Variants in APAF1 observed in about 807,000 individuals in gnomAD.
APAF1 encodes the protein apoptotic peptidase activating factor 1, also known as apoptotic protease-activating factor 1.
In APAF1, 91 loss-of-function variants were observed where a neutral mutation model predicts 152.4. That is an observed-to-expected ratio of 0.60 (90% CI 0.50 to 0.71). The LOEUF is 0.71. APAF1 is among the 30% of genes least tolerant of loss of function. The pLI is 0.00. For synonymous variants in APAF1, 484 were observed against 494.1 expected (o/e 0.98, Z 0.27); for missense variants, 1,283 against 1,472.0 (o/e 0.87, Z 2.10).
chr12:98,692,763 T>C (rs937040996), intron 16 of APAF1, among the ~76,000 whole-genome samples: 4 of 152,258 alleles, frequency 2.6e-5, no homozygotes, highest in Non-Finnish European at 5.9e-5. Flanking sequence ...CCATGGTGTA[T>C]ATGTACCATA....
At chr12:98,707,922 G>A (rs1368543660) in intron 19 of APAF1, among the ~76,000 whole-genome samples, 1 of 152,150 alleles carries the variant, frequency 6.6e-6, no homozygotes, top group Non-Finnish European at 1.5e-5. Context: ...GTTTAGTGAT[G>A]TAGTTGATTT....
chr12:98,667,286 TA>T (rs558177221), intron 9 of APAF1, among the ~76,000 whole-genome samples: 129 of 151,656 alleles, frequency 8.5e-4, no homozygotes, highest in African/African-American at 3.0e-3. Context: ...TTATTTTTTG[TA>T]AAAAAATTAA....
intron 7 of APAF1, 53 bp from the exon 8 acceptor site, chr12:98,665,500 T>G: frequency 8.3e-7 from 1 of 1,210,174 alleles, no homozygotes; most frequent in Non-Finnish European, 1.2e-6. Flanking sequence ...TCGATTCTTA[T>G]TAGTGACAAA....
At chr12:98,727,052 T>A (rs1158568322) in intron 25 of APAF1, 121 bp from the exon 26 acceptor site, 9 of 871,070 alleles carry the variant, frequency 1.0e-5, no homozygotes, top group South Asian at 9.0e-5. Context: ...GTGTTAGGGT[T>A]GTTTATAATA....
chr12:98,662,438 A>T lies in APAF1; in HGVS notation c.711-18A>T, dbSNP rs766941395. ...AAGATAAGTGTCATTAGTGATTAAT[A>T]TTTTTTTTTTAAATTAGGTCTCTCT... On this transcript the variant is annotated intron_variant, in intron 5 of 26. Transcript: ENST00000551964. The T allele has an allele frequency of 6.3e-5, 92 of 1,453,448 alleles. No homozygotes were observed. The highest frequency in any genetic ancestry group is 8.2e-5 in the Non-Finnish European group (86 of 1,046,016). 90.0% of individuals were successfully genotyped at this position (1,453,448 alleles called of 1,614,324 possible).
chr12:98,676,456 G>A lies in APAF1; in HGVS notation c.1794-969G>A, dbSNP rs150188379. 9.8e-3 allele frequency among the ~76,000 whole-genome samples: 1,497 copies of A among 151,994 alleles called. 10 individuals carry two copies. The highest frequency in any genetic ancestry group is 0.017 in the Non-Finnish European group (1,152 of 67,974). ...ACTCCTGACCTCAAGTGATCTGCCC[G>A]CCTCGTCCTCCCAAAGTCCTGGGAT... On this transcript the variant is annotated intron_variant, in intron 12 of 26. Transcript: ENST00000551964.
intron 24 of APAF1, 92 bp from the exon 25 acceptor site, chr12:98,725,323 C>A: frequency 6.7e-7 from 1 of 1,500,582 alleles, no homozygotes. Flanking sequence ...TTAGAATGTC[C>A]ATGTGATTGA....
At chr12:98,660,278 T>G (rs1276409669) in intron 5 of APAF1, among the ~76,000 whole-genome samples, 2 of 152,024 alleles carry the variant, frequency 1.3e-5, no homozygotes, top group Non-Finnish European at 2.9e-5. Context: ...CCTATGAGAT[T>G]GAGGCTGCAG....
intron 14 of APAF1, among the ~76,000 whole-genome samples, chr12:98,682,791 A>C (rs1003330140): frequency 2.8e-4 from 42 of 152,192 alleles, no homozygotes; most frequent in African/African-American, 8.7e-4. Flanking sequence ...TCTTGGGCTC[A>C]ACCCTTCTGA....
rs1192380601 is a variant in APAF1 at position 98,723,277 on chromosome 12, A to G, written c.3169A>G (p.Arg1057Gly). The G allele has an allele frequency of 1.9e-6, 3 of 1,613,842 alleles. No individual in the cohort carries two copies. Among genetic ancestry groups the G allele is most frequent in the Non-Finnish European group, 2.5e-6 (3 of 1,179,762 alleles). ...VKDFRLLKNS[R>G]LLSWSFDGTV... is the part of the protein sequence containing the mutation. Reference sequence around the variant, plus strand: ...AGACTTTAGACTCTTGAAAAATTCAAGACTGCTTTCTTGGTCATTTGATGG... The same window carrying G: ...AGACTTTAGACTCTTGAAAAATTCAGGACTGCTTTCTTGGTCATTTGATGG... Residue 1057 changes from arginine to glycine, a missense_variant, in exon 23 of 27, where the codon AGA becomes GGA. Transcript: ENST00000551964.
At chr12:98,697,525 A>C in intron 16 of APAF1, among the ~76,000 whole-genome samples, 1 of 152,336 alleles carries the variant, frequency 6.6e-6, no homozygotes, top group Non-Finnish European at 1.5e-5. Context: ...CACTTTTTAA[A>C]AAGTCATCAT....
chr12:98,696,795 C>G (rs12304328), intron 16 of APAF1, among the ~76,000 whole-genome samples: 3,896 of 152,174 alleles, frequency 0.026, 158 homozygotes, highest in African/African-American at 0.087. Flanking sequence ...TGCACCCTGC[C>G]GGGAGTAATC....
intron 14 of APAF1, among the ~76,000 whole-genome samples, chr12:98,682,076 C>T (rs745914937): frequency 8.0e-5 from 10 of 125,720 alleles, no homozygotes; most frequent in South Asian, 2.6e-4. Flanking sequence ...TTTTTTGAGA[C>T]GGAGTCTCGC....
intron 12 of APAF1, 54 bp from the exon 13 acceptor site, chr12:98,677,371 A>G (rs1318350537): frequency 1.3e-6 from 2 of 1,572,570 alleles, no homozygotes; most frequent in Non-Finnish European, 1.7e-6. Context: ...GAAAGAAAAT[A>G]GTTACTTTTA....
At chr12:98,688,380 T>C (rs1273162081) in intron 16 of APAF1, among the ~76,000 whole-genome samples, 2 of 152,202 alleles carry the variant, frequency 1.3e-5, no homozygotes, top group African/African-American at 4.8e-5. Flanking sequence ...TGTCTGCTCA[T>C]GCCTGATAGC....
chr12:98,678,449 G>A (rs983535859), intron 13 of APAF1, among the ~76,000 whole-genome samples: 19 of 152,314 alleles, frequency 1.2e-4, no homozygotes, highest in African/African-American at 4.6e-4. Flanking sequence ...GGTTCCTGCT[G>A]TAGCCGCCCA....
intron 24 of APAF1, among the ~76,000 whole-genome samples, chr12:98,724,712 A>G (rs1237410463): frequency 1.3e-5 from 2 of 150,614 alleles, no homozygotes; most frequent in African/African-American, 4.9e-5. Flanking sequence ...ACTTCATACA[A>G]CTGTTCACTA....
chr12:98,656,972 G>A (rs1428490542), intron 4 of APAF1, among the ~76,000 whole-genome samples: 1 of 152,106 alleles, frequency 6.6e-6, no homozygotes, highest in African/African-American at 2.4e-5. Flanking sequence ...TATGCTCTTT[G>A]TCTGTTAGCA....
At chr12:98,728,138 A>G (rs1023778111) in intron 26 of APAF1, among the ~76,000 whole-genome samples, 1 of 152,150 alleles carries the variant, frequency 6.6e-6, no homozygotes, top group Non-Finnish European at 1.5e-5. Context: ...CAGAGCTGTC[A>G]TACTGCCTCA....
Sources: allele counts gnomAD v4.1 joint callset (sites outside exome capture counted in the v4.1 genomes callset), GRCh38; gene constraint gnomAD v4.1.1; transcripts MANE v1.5; gene names NCBI Gene and HGNC (gene_info 2026-07-23, HGNC 2026-07-21).